The following ZNF469 variants were observed in gnomAD, a reference collection of about 807,000 sequenced individuals.
ZNF469 encodes zinc finger protein 469.
Under a neutral mutation model 1.0 loss-of-function variants are expected in ZNF469, and 1 was observed. That is an observed-to-expected ratio of 1.00 (90% CI 0.35 to 4.73). The LOEUF (loss-of-function observed/expected upper bound fraction) is 4.73, where lower values mean the gene tolerates loss of function less well. ZNF469 is among the 30% of genes most tolerant of loss of function. ZNF469 has a pLI of 0.16. For missense variants in ZNF469, 6,100 were observed against 5,356.3 expected, an observed-to-expected ratio of 1.14 and a Z score of -4.33; for synonymous variants, 2,703 against 2,363.4, an observed-to-expected ratio of 1.14 and a Z score of -4.17.
chr16:88,277,237 T>C, the ZNF469 span, among the ~76,000 whole-genome samples: 1 of 151,010 alleles, frequency 6.6e-6, no homozygotes, highest in Non-Finnish European at 1.5e-5. Context: ...ACACCGACGC[T>C]CAGTCAGTAC....
the ZNF469 span, among the ~76,000 whole-genome samples, chr16:88,280,084 G>T: frequency 6.6e-6 from 1 of 151,562 alleles, no homozygotes; most frequent in Non-Finnish European, 1.5e-5. Context: ...CACTCAGTCG[G>T]TACCGTGTAC....
the ZNF469 span, among the ~76,000 whole-genome samples, chr16:88,218,430 G>A: frequency 1.3e-5 from 2 of 151,156 alleles, no homozygotes; most frequent in African/African-American, 4.9e-5. Context: ...TTGCTGTGCA[G>A]AAGCTCTTTA....
chr16:88,251,536 G>GTGTTTTTTTTTTTTTTTTTTTTTTT, the ZNF469 span, among the ~76,000 whole-genome samples: 4 of 78,788 alleles, frequency 5.1e-5, 1 homozygote, highest in South Asian at 5.0e-4. Flanking sequence ...TGTCCCTGCT[G>GTGTTTTTTTTTTTTTTTTTTTTTTT]TCTTTTTTTT....
the ZNF469 span, among the ~76,000 whole-genome samples, chr16:88,219,168 A>C: frequency 6.8e-6 from 1 of 148,098 alleles, no homozygotes; most frequent in Non-Finnish European, 1.5e-5. Context: ...AGGAAGAATC[A>C]ATATCGTGAA....
chr16:88,409,873 G>A (rs1385049289), intron 1 of ZNF469, among the ~76,000 whole-genome samples: 5 of 149,776 alleles, frequency 3.3e-5, no homozygotes, highest in South Asian at 2.1e-4. Context: ...GGCCGGGGGG[G>A]GGGGGGGGGG....
chr16:88,273,468 A>T, the ZNF469 span, among the ~76,000 whole-genome samples: 1 of 152,158 alleles, frequency 6.6e-6, no homozygotes, highest in Non-Finnish European at 1.5e-5. Context: ...CATTAAGATA[A>T]TTACCATAAA....
chr16:88,277,549 A>G, the ZNF469 span, among the ~76,000 whole-genome samples: 57 of 130,142 alleles, frequency 4.4e-4, 1 homozygote, highest in African/African-American at 7.1e-4. Context: ...CCACGCCGAC[A>G]CTCGGTCAGT....
the ZNF469 span, among the ~76,000 whole-genome samples, chr16:88,300,390 G>T: frequency 6.6e-6 from 1 of 152,086 alleles, no homozygotes; most frequent in Admixed American, 6.5e-5. Flanking sequence ...TTCAGTCCAG[G>T]TCCTCGGATA....
chr16:88,152,389 G>A, the ZNF469 span, among the ~76,000 whole-genome samples: 1 of 152,204 alleles, frequency 6.6e-6, no homozygotes, highest in Admixed American at 6.5e-5. The surrounding 1 kb of genome is among the most constrained non-coding windows in gnomAD (Gnocchi z 4.2). Context: ...GGGGCTGGGG[G>A]AGCGCAGCTG....
At chr16:88,129,572 G>C in the ZNF469 span, among the ~76,000 whole-genome samples, 1 of 152,228 alleles carries the variant, frequency 6.6e-6, no homozygotes, top group South Asian at 2.1e-4. Flanking sequence ...AATTGAAGCT[G>C]CCTGGGAGTG....
the ZNF469 span, among the ~76,000 whole-genome samples, chr16:88,337,362 T>C: frequency 0.011 from 1,736 of 152,306 alleles, 23 homozygotes; most frequent in African/African-American, 0.04. Context: ...TCCTGCCATG[T>C]AAGATGTCCC....
the ZNF469 span, among the ~76,000 whole-genome samples, chr16:88,322,262 G>T: frequency 6.6e-6 from 1 of 152,198 alleles, no homozygotes; most frequent in African/African-American, 2.4e-5. Flanking sequence ...CCAGGAAATC[G>T]GAGGCCAGGT....
intron 1 of ZNF469, among the ~76,000 whole-genome samples, chr16:88,415,821 G>T (rs1256966438): frequency 1.3e-5 from 2 of 152,228 alleles, no homozygotes; most frequent in Non-Finnish European, 2.9e-5. Context: ...AGCCCCGCAT[G>T]ATCATTGGAC....
intron 1 of ZNF469, among the ~76,000 whole-genome samples, chr16:88,394,083 A>G (rs71394087): frequency 0.2 from 22,242 of 111,822 alleles, 4,429 homozygotes; most frequent in Non-Finnish European, 0.26. Flanking sequence ...TGAGAGGAGC[A>G]GGGTTTGACA....
intron 1 of ZNF469, among the ~76,000 whole-genome samples, chr16:88,417,177 C>T (rs941067172): frequency 7.0e-5 from 10 of 142,292 alleles, no homozygotes; most frequent in East Asian, 2.4e-4. Flanking sequence ...CCCAGAGCGT[C>T]GCTGCAAGGG....
At chr16:88,261,223 G>C in the ZNF469 span, among the ~76,000 whole-genome samples, 1 of 152,236 alleles carries the variant, frequency 6.6e-6, no homozygotes, top group South Asian at 2.1e-4. This position sits in a 1 kb window ranked among gnomAD's most constrained non-coding sequence, Gnocchi z 6.0. Context: ...GCCCGCATTT[G>C]AGGGAGGCAA....
chr16:88,297,522 C>G, the ZNF469 span, among the ~76,000 whole-genome samples: 1 of 152,206 alleles, frequency 6.6e-6, no homozygotes, highest in South Asian at 2.1e-4. Flanking sequence ...TCACAGCCCA[C>G]GGCACACGGC....
At chr16:88,148,352 G>A in the ZNF469 span, among the ~76,000 whole-genome samples, 1 of 152,186 alleles carries the variant, frequency 6.6e-6, no homozygotes, top group African/African-American at 2.4e-5. Flanking sequence ...AGCCACACAA[G>A]AGGATGCCCT....
chr16:88,377,388 G>A, the ZNF469 span, among the ~76,000 whole-genome samples: 1 of 152,228 alleles, frequency 6.6e-6, no homozygotes, highest in Non-Finnish European at 1.5e-5. Context: ...ATGGCAGCAC[G>A]TGAATGTGTG....
Sources: gnomAD v4.1 joint callset for allele counts (sites outside exome capture counted in the v4.1 genomes callset) on GRCh38, gnomAD v4.1.1 for gene constraint, Gnocchi (gnomAD v3.1) non-coding constraint, MANE v1.5 for transcripts, NCBI Gene and HGNC (gene_info 2026-07-23, HGNC 2026-07-21) for gene names.